SASS6: variants seen among roughly 807,000 people sequenced by gnomAD.
SASS6 encodes spindle assembly abnormal protein 6 homolog.
SASS6 carries 59 observed loss-of-function variants against 94.9 expected under a neutral mutation model. That is an observed-to-expected ratio of 0.62 (90% CI 0.50 to 0.77). The LOEUF is 0.77. Ranked by LOEUF, SASS6 falls within the 30% of genes least tolerant of loss-of-function variation. The pLI is 0.00. For synonymous variants in SASS6, 264 were observed against 270.0 expected (o/e 0.98, Z 0.22); for missense variants, 698 against 734.1 (o/e 0.95, Z 0.57).
chr1:100,084,208 A>G lies in SASS6; in HGVS notation c.*1120T>C, dbSNP rs1052769772. The G allele has an allele frequency of 1.3e-5, 2 of 152,002 alleles. No individual in the cohort carries two copies. The highest frequency in any genetic ancestry group is 2.9e-5 in the Non-Finnish European group (2 of 67,922). 9.4% of individuals were successfully genotyped at this position (152,002 alleles called of 1,614,324 possible). ...GGGACTCAGTAATGTTATTACATCA[A>G]TATCTTGAAATGTTTCTTCATCTGT... On this transcript the variant is annotated 3_prime_UTR_variant, in exon 17 of 17. Transcript: ENST00000287482.
intron 1 of SASS6, among the ~76,000 whole-genome samples, chr1:100,132,529 G>C (rs759963958): frequency 3.3e-5 from 5 of 152,096 alleles, no homozygotes; most frequent in African/African-American, 1.2e-4. Context: ...CTTGATGTGA[G>C]CCGGCTTCCT....
intron 2 of SASS6, among the ~76,000 whole-genome samples, chr1:100,125,013 C>T (rs1376035940): frequency 6.6e-6 from 1 of 152,118 alleles, no homozygotes; most frequent in African/African-American, 2.4e-5. Flanking sequence ...ACAGACCGTA[C>T]CAGTAAGTGG....
chr1:100,092,804 T>C (rs1379078761), intron 14 of SASS6, among the ~76,000 whole-genome samples: 1 of 152,108 alleles, frequency 6.6e-6, no homozygotes, highest in African/African-American at 2.4e-5. Context: ...CTCGATCTCC[T>C]GACCTTGTGA....
intron 12 of SASS6, among the ~76,000 whole-genome samples, chr1:100,106,337 A>C (rs1297602079): frequency 2.0e-5 from 3 of 152,198 alleles, no homozygotes; most frequent in Admixed American, 6.5e-5. Flanking sequence ...TGAAGAATTT[A>C]AACAATAAAT....
intron 14 of SASS6, among the ~76,000 whole-genome samples, chr1:100,097,626 A>G (rs1043385700): frequency 5.3e-5 from 8 of 152,050 alleles, no homozygotes; most frequent in Non-Finnish European, 7.4e-5. Context: ...GGAATTCGAA[A>G]TCACCCTGAG....
intron 2 of SASS6, among the ~76,000 whole-genome samples, chr1:100,125,391 A>G (rs1273094300): frequency 1.3e-5 from 2 of 151,632 alleles, no homozygotes; most frequent in African/African-American, 4.8e-5. Flanking sequence ...TTAGAAATAT[A>G]TGGTATAGGC....
chr1:100,093,101 C>T lies in SASS6; in HGVS notation c.1675-4865G>A, dbSNP rs368170599. Among the ~76,000 whole-genome samples the T allele has an allele frequency of 5.6e-4, 83 of 149,532 alleles. No homozygotes were observed. The South Asian group carries it at 0.017, about 30-fold the overall frequency. On this transcript the variant is annotated intron_variant, in intron 14 of 16. Coordinates refer to ENST00000287482, the MANE Select transcript of SASS6 (RefSeq NM_194292.3). ...TATATTATAATGCCTGGAGCAACCACTAAAATAAAAATAATACAAAGAGAT... is the reference window on the plus strand; with the variant it reads ...TATATTATAATGCCTGGAGCAACCATTAAAATAAAAATAATACAAAGAGAT...
intron 13 of SASS6, among the ~76,000 whole-genome samples, chr1:100,104,364 C>T (rs1652726112): frequency 6.6e-6 from 1 of 152,158 alleles, no homozygotes. Flanking sequence ...AGCCCCAGGC[C>T]TATGTGCGGA....
chr1:100,109,073 T>C (rs946369347), intron 8 of SASS6, among the ~76,000 whole-genome samples: 3 of 151,966 alleles, frequency 2.0e-5, no homozygotes, highest in Admixed American at 1.3e-4. Flanking sequence ...ATCAATGCAA[T>C]GAGGTTGTTT....
intron 1 of SASS6, among the ~76,000 whole-genome samples, chr1:100,127,939 T>C (rs1389313480): frequency 6.6e-6 from 1 of 152,236 alleles, no homozygotes; most frequent in Non-Finnish European, 1.5e-5. Flanking sequence ...TTTCATCTTC[T>C]GAAGTTTTCT....
chr1:100,125,669 C>CAAA (rs11299065), intron 2 of SASS6, among the ~76,000 whole-genome samples: 9 of 80,326 alleles, frequency 1.1e-4, no homozygotes, highest in African/African-American at 3.0e-4. Context: ...GACTCCATCT[C>CAAA]AAAAAAAAAA....
chr1:100,121,324 C>A, intron 5 of SASS6, 54 bp downstream of exon 5: 1 of 1,047,508 alleles, frequency 9.5e-7, no homozygotes, highest in South Asian at 1.6e-5. Context: ...AATAATTTAT[C>A]AAAGACCATT....
At chr1:100,123,852 G>T (rs1162113985) in intron 2 of SASS6, among the ~76,000 whole-genome samples, 1 of 152,208 alleles carries the variant, frequency 6.6e-6, no homozygotes, top group Non-Finnish European at 1.5e-5. Flanking sequence ...ACTGTTTTCA[G>T]TCTCAAATGA....
chr1:100,103,159 G>T, intron 13 of SASS6, 76 bp from the exon 14 acceptor site: 1 of 908,544 alleles, frequency 1.1e-6, no homozygotes, highest in Non-Finnish European at 1.7e-6. Context: ...GGTGGCATTA[G>T]CATCTGTTAT....
rs779878162 is a variant in SASS6 at position 100,119,156 on chromosome 1, C to T, written c.550-19G>A. On this transcript the variant is annotated intron_variant, in intron 6 of 16. Coordinates refer to ENST00000287482, the MANE Select transcript of SASS6 (RefSeq NM_194292.3). ...CTAATGTCTACATTAGAGTTTAACA[C>T]AAAATATTAAGATAGGCTCCTTAAT... 5 of 1,391,918 alleles carry T rather than the reference C, an allele frequency of 3.6e-6. No homozygotes were observed. Among genetic ancestry groups the T allele is most frequent in the Non-Finnish European group, 3.9e-6 (4 of 1,017,256 alleles). The allele number at this position is 1,391,918 out of a possible 1,614,324, so 86.2% of individuals were successfully genotyped here.
In SASS6 at chr1:100,114,643, G is replaced by A. The variant is rs915671154; in HGVS notation, c.670-4160C>T. Reference sequence around the variant, plus strand: ...TGAGGTGGGAGGGTCACTTGAGCCCGGAAGGCTGAGGATGCAGTGAGCCGG... The same window carrying A: ...TGAGGTGGGAGGGTCACTTGAGCCCAGAAGGCTGAGGATGCAGTGAGCCGG... On this transcript the variant is annotated intron_variant, in intron 7 of 16. Coordinates refer to ENST00000287482, the MANE Select transcript of SASS6 (RefSeq NM_194292.3). Among the ~76,000 whole-genome samples, 6 of 151,984 alleles carry A rather than the reference G, an allele frequency of 3.9e-5. No individual in the cohort carries two copies. In the East Asian group the frequency reaches 5.8e-4, roughly 15 times the overall value.
intron 15 of SASS6, among the ~76,000 whole-genome samples, chr1:100,087,770 T>C (rs1651415041): frequency 1.3e-5 from 2 of 152,156 alleles, no homozygotes; most frequent in African/African-American, 2.4e-5. Flanking sequence ...GGGACAGACA[T>C]AGCCATATAA....
chr1:100,113,134 G>A (rs1653482345), intron 7 of SASS6, among the ~76,000 whole-genome samples: 2 of 152,146 alleles, frequency 1.3e-5, no homozygotes, highest in African/African-American at 4.8e-5. Flanking sequence ...CAAAATGAGG[G>A]AGGAATAGAG....
chr1:100,113,621 CAA>C (rs1372789076), intron 7 of SASS6, among the ~76,000 whole-genome samples: 4 of 69,334 alleles, frequency 5.8e-5, no homozygotes, highest in Admixed American at 5.0e-4. Flanking sequence ...GACTCGGTCT[CAA>C]AAAAAAAAAG....
Sources: gnomAD v4.1 joint callset for allele counts (sites outside exome capture counted in the v4.1 genomes callset) on GRCh38, gnomAD v4.1.1 for gene constraint, MANE v1.5 for transcripts, NCBI Gene and HGNC (gene_info 2026-07-23, HGNC 2026-07-21) for gene names.